The following ZZZ3 variants were observed in gnomAD, a reference collection of about 807,000 sequenced individuals.
ZZZ3 encodes the protein ZZ-type zinc finger-containing protein 3.
A neutral mutation model predicts 95.2 loss-of-function variants in ZZZ3; 22 were observed. The ratio of observed to expected loss-of-function variants is 0.23; its 90% CI spans 0.17 to 0.33. ZZZ3 has a LOEUF of 0.33. ZZZ3 is among the 10% of genes least tolerant of loss of function. The pLI, the probability that ZZZ3 is intolerant of heterozygous loss-of-function variation, is 1.00. For missense variants in ZZZ3, 885 were observed against 1,066.5 expected, an observed-to-expected ratio of 0.83 and a Z score of 2.37; for synonymous variants, 335 against 358.9, an observed-to-expected ratio of 0.93 and a Z score of 0.75.
intron 5 of ZZZ3, among the ~76,000 whole-genome samples, chr1:77,613,618 A>C (rs553797095): frequency 3.4e-4 from 52 of 152,214 alleles, no homozygotes; most frequent in Admixed American, 1.2e-3. Flanking sequence ...GAGAGTAAGT[A>C]AAGAGACTTT....
intron 11 of ZZZ3, among the ~76,000 whole-genome samples, chr1:77,577,235 C>T (rs187824558): frequency 3.9e-5 from 6 of 152,292 alleles, no homozygotes; most frequent in African/African-American, 7.2e-5. Context: ...AGCCAAAATA[C>T]AGTACACCTA....
intron 5 of ZZZ3, among the ~76,000 whole-genome samples, chr1:77,612,653 G>T (rs1665925451): frequency 6.6e-6 from 1 of 151,928 alleles, no homozygotes; most frequent in African/African-American, 2.4e-5. Flanking sequence ...CAGACCTAGA[G>T]GGCATTATGC....
chr1:77,666,828 T>C (rs1236955810), intron 1 of ZZZ3, among the ~76,000 whole-genome samples: 1 of 152,098 alleles, frequency 6.6e-6, no homozygotes, highest in Non-Finnish European at 1.5e-5. Context: ...TAAAATGAGG[T>C]TCACACCAAA....
At chr1:77,660,033 T>C (rs1570636407) in intron 1 of ZZZ3, among the ~76,000 whole-genome samples, 1 of 152,144 alleles carries the variant, frequency 6.6e-6, no homozygotes, top group African/African-American at 2.4e-5. Flanking sequence ...GGTCTCACTA[T>C]GTTGCCCAGG....
chr1:77,634,987 T>C (rs1433908119), intron 4 of ZZZ3, among the ~76,000 whole-genome samples: 4 of 152,174 alleles, frequency 2.6e-5, no homozygotes, highest in Non-Finnish European at 5.9e-5. Context: ...CTCCTGCCTT[T>C]GGTCATCAAC....
rs1668780677 is a variant in ZZZ3, at chr1:77,641,590, T to C, written c.-337A>G. On this transcript the variant is annotated 5_prime_UTR_variant, in exon 2 of 15. Transcript: ENST00000370801. ...GTATTTATCTGTCATCACTGTTAAT[T>C]GTCCATGTTACACTGAGACTTCAGG... is the stretch of plus-strand genomic sequence containing the variant. The C allele has an allele frequency of 2.5e-6, 1 of 398,174 alleles. No individual in the cohort carries two copies. The highest frequency in any genetic ancestry group is 4.4e-5 in the Admixed American group (1 of 22,718). 24.7% of individuals were successfully genotyped at this position (398,174 alleles called of 1,614,324 possible).
intron 5 of ZZZ3, among the ~76,000 whole-genome samples, chr1:77,622,024 T>G (rs1666917225): frequency 6.6e-6 from 1 of 150,820 alleles, no homozygotes; most frequent in African/African-American, 2.4e-5. Flanking sequence ...CGTTAATAAC[T>G]GAAGGGTCGG....
At chr1:77,626,689 C>T (rs1458204328) in intron 5 of ZZZ3, among the ~76,000 whole-genome samples, 2 of 152,268 alleles carry the variant, frequency 1.3e-5, no homozygotes, top group East Asian at 3.9e-4. Context: ...TTGTGCCAGA[C>T]CAGAGGGGTA....
intron 1 of ZZZ3, among the ~76,000 whole-genome samples, chr1:77,657,804 A>G (rs952075401): frequency 1.3e-5 from 2 of 152,224 alleles, no homozygotes; most frequent in African/African-American, 4.8e-5. Context: ...TGAATGGACA[A>G]TTATACAAAA....
intron 5 of ZZZ3, among the ~76,000 whole-genome samples, chr1:77,627,416 T>C (rs537503363): frequency 1.6e-4 from 24 of 152,280 alleles, no homozygotes; most frequent in African/African-American, 5.5e-4. Flanking sequence ...CTGGAGTTTT[T>C]CTGGCCCCTT....
intron 5 of ZZZ3, among the ~76,000 whole-genome samples, chr1:77,612,428 T>C (rs1238771031): frequency 6.6e-6 from 1 of 151,804 alleles, no homozygotes; most frequent in East Asian, 1.9e-4. Context: ...GACATAGCAA[T>C]CCCTCCTCTG....
At chr1:77,654,185 C>CAAAAAA (rs749067016) in intron 1 of ZZZ3, among the ~76,000 whole-genome samples, 9 of 66,268 alleles carry the variant, frequency 1.4e-4, no homozygotes, top group Admixed American at 5.5e-4. Context: ...GACTCCATCT[C>CAAAAAA]AAAAAAAAAA....
At chr1:77,605,359 G>A (rs1341923828) in intron 5 of ZZZ3, among the ~76,000 whole-genome samples, 1 of 152,146 alleles carries the variant, frequency 6.6e-6, no homozygotes. Context: ...TTCAGTTCCA[G>A]CAACCCTGGC....
chr1:77,611,463 A>G (rs970546161), intron 5 of ZZZ3, among the ~76,000 whole-genome samples: 3 of 152,036 alleles, frequency 2.0e-5, no homozygotes, highest in Non-Finnish European at 4.4e-5. Flanking sequence ...GTCATTTTTC[A>G]TAGATATAGA....
chr1:77,683,268 C>A (rs1672980326), upstream of ZZZ3: 1 of 150,274 alleles, frequency 6.7e-6, no homozygotes. Context: ...TCACCTTTCA[C>A]GCGGGGTCGG....
chr1:77,571,576 A>T (rs1452998850), intron 12 of ZZZ3, among the ~76,000 whole-genome samples: 1 of 152,246 alleles, frequency 6.6e-6, no homozygotes, highest in African/African-American at 2.4e-5. Context: ...GTGGCATACA[A>T]TATTGGGAAT....
chr1:77,672,694 G>T (rs1418607435), intron 1 of ZZZ3, among the ~76,000 whole-genome samples: 1 of 152,190 alleles, frequency 6.6e-6, no homozygotes, highest in Non-Finnish European at 1.5e-5. Context: ...AATATCCTTG[G>T]TGAAATTCTC....
At position 77,578,807 on chromosome 1, in the gene ZZZ3, G is replaced by C. The variant is rs771498574; in HGVS notation, c.2145C>G (p.Gly715=). The change falls in exon 11 of 15, where the codon GGC becomes GGG. Residue 715 remains glycine (G), a synonymous_variant. Transcript: ENST00000370801. ...KLTKAGIPVP[G]RTPNLYIYSK... ...AGTATATATATAAGTTTGGTGTTCT[G>C]CCTGGTACTGGAATGCCAGCTTTAG... 2 of 1,570,688 alleles carry C rather than the reference G, an allele frequency of 1.3e-6. No individual in the cohort carries two copies. Among genetic ancestry groups the C allele is most frequent in the Admixed American group, 3.8e-5 (2 of 52,608 alleles).
chr1:77,657,332 A>G (rs1280337381), intron 1 of ZZZ3, among the ~76,000 whole-genome samples: 1 of 152,202 alleles, frequency 6.6e-6, no homozygotes, highest in Non-Finnish European at 1.5e-5. Flanking sequence ...CACAGTCAAC[A>G]GCACTATAAC....
Sources: gnomAD v4.1 joint callset for allele counts (sites outside exome capture counted in the v4.1 genomes callset) on GRCh38, gnomAD v4.1.1 for gene constraint, MANE v1.5 for transcripts, NCBI Gene and HGNC (gene_info 2026-07-23, HGNC 2026-07-21) for gene names.